Variants in SNTG1 observed in about 807,000 individuals in gnomAD.
SNTG1 encodes the protein gamma-1-syntrophin.
SNTG1 carries 39 observed loss-of-function variants against 74.7 expected under a neutral mutation model. That is an observed-to-expected ratio of 0.52 (90% CI 0.40 to 0.68). The LOEUF (loss-of-function observed/expected upper bound fraction) is 0.68. SNTG1 is among the 30% of genes least tolerant of loss of function. The pLI, the probability that SNTG1 is intolerant of heterozygous loss-of-function variation, is 0.00. For synonymous variants in SNTG1, 254 were observed against 217.1 expected (o/e 1.17, Z -1.49); for missense variants, 685 against 609.5 (o/e 1.12, Z -1.30).
At chr8:50,159,311 C>G (rs1162932691) in intron 1 of SNTG1, among the ~76,000 whole-genome samples, 2 of 152,074 alleles carry the variant, frequency 1.3e-5, no homozygotes, top group Non-Finnish European at 2.9e-5. Context: ...TGAGGCAATA[C>G]TTTCAAACAT....
intron 15 of SNTG1, among the ~76,000 whole-genome samples, chr8:50,676,584 A>G (rs778746951): frequency 6.6e-6 from 1 of 151,790 alleles, no homozygotes; most frequent in African/African-American, 2.4e-5. Context: ...ATGCTCCTTT[A>G]GCTCAACATA....
At position 50,485,489 on chromosome 8, in the gene SNTG1, T is replaced by G. The variant is rs145045026; in HGVS notation, c.364-17289T>G. Among the ~76,000 whole-genome samples, 881 of 152,292 alleles carry G rather than the reference T, an allele frequency of 5.8e-3. 11 individuals carry two copies. The highest frequency in any genetic ancestry group is 0.02 in the African/African-American group (830 of 41,544). On this transcript the variant is annotated intron_variant, in intron 8 of 18. Transcript: ENST00000642720. ...ACTTCTTTTGAGAAGTGTCTGTTCA[T>G]GTCCTTCACCCACTTTTTGATGGGG...
intron 13 of SNTG1, among the ~76,000 whole-genome samples, chr8:50,616,693 T>C (rs2094887596): frequency 6.6e-6 from 1 of 152,164 alleles, no homozygotes; most frequent in Admixed American, 6.5e-5. Context: ...GTCACCAGTG[T>C]AGTGGACCTG....
chr8:49,920,549 AAAC>A (rs1226763661), intron 1 of SNTG1, among the ~76,000 whole-genome samples: 1 of 151,988 alleles, frequency 6.6e-6, no homozygotes, highest in Non-Finnish European at 1.5e-5. Flanking sequence ...ATAAATAAAA[AAAC>A]AAATAAACAA....
chr8:50,401,906 A>T (rs751554846), intron 3 of SNTG1, among the ~76,000 whole-genome samples: 1 of 152,224 alleles, frequency 6.6e-6, no homozygotes, highest in Non-Finnish European at 1.5e-5. Flanking sequence ...TTTTTAGATT[A>T]TAAGTATTAC....
At chr8:50,677,254 G>A (rs2095312870) in intron 15 of SNTG1, among the ~76,000 whole-genome samples, 1 of 151,940 alleles carries the variant, frequency 6.6e-6, no homozygotes, top group Non-Finnish European at 1.5e-5. Flanking sequence ...AAATGTGAGA[G>A]TACATCTATA....
chr8:50,188,939 T>G (rs1480627612), intron 2 of SNTG1, among the ~76,000 whole-genome samples: 1 of 152,104 alleles, frequency 6.6e-6, no homozygotes, highest in Non-Finnish European at 1.5e-5. Flanking sequence ...GCAGAGCAGA[T>G]TGCATAGCAG....
intron 11 of SNTG1, among the ~76,000 whole-genome samples, chr8:50,543,663 G>C (rs1050287331): frequency 6.6e-6 from 1 of 152,074 alleles, no homozygotes; most frequent in African/African-American, 2.4e-5. Context: ...TTTGTATATA[G>C]ATTTTTTGGA....
chr8:50,523,840 T>TA, intron 9 of SNTG1, among the ~76,000 whole-genome samples: 1 of 152,270 alleles, frequency 6.6e-6, no homozygotes, highest in South Asian at 2.1e-4. Context: ...CTTCAATTTG[T>TA]AAAAAATCTG....
intron 1 of SNTG1, among the ~76,000 whole-genome samples, chr8:49,959,526 A>G (rs928190115): frequency 6.6e-6 from 1 of 152,240 alleles, no homozygotes; most frequent in African/African-American, 2.4e-5. Context: ...GACATTTCAT[A>G]TAAATGGAAT....
chr8:50,753,092 A>G (rs2095571714), intron 18 of SNTG1, among the ~76,000 whole-genome samples: 1 of 151,870 alleles, frequency 6.6e-6, no homozygotes. Flanking sequence ...ATCAGTTTAG[A>G]CAAATGCCTT....
Position 50,795,191 on chromosome 8 carries a change from C to T in SNTG1, c.*2362C>T, listed in dbSNP as rs1010413778. On this transcript the variant is annotated 3_prime_UTR_variant, in exon 19 of 19. Coordinates refer to ENST00000642720, the MANE Select transcript of SNTG1 (RefSeq NM_018967.5). ...GCTTGATTAAAAACTTATGACAATACCATTATGAATATTTTTGATACTATT... is the reference window on the plus strand; with the variant it reads ...GCTTGATTAAAAACTTATGACAATATCATTATGAATATTTTTGATACTATT... The T allele has an allele frequency of 2.0e-5, 3 of 151,802 alleles. No homozygotes were observed. The highest frequency in any genetic ancestry group is 4.8e-5 in the African/African-American group (2 of 41,366). The allele number at this position is 151,802 out of a possible 1,614,324, so 9.4% of individuals were successfully genotyped here.
At chr8:50,109,668 G>T (rs1033227372) in intron 1 of SNTG1, among the ~76,000 whole-genome samples, 11 of 152,162 alleles carry the variant, frequency 7.2e-5, no homozygotes, top group Non-Finnish European at 1.0e-4. Flanking sequence ...ATCAGGAAGG[G>T]GGAGATCCTC....
chr8:50,184,729 G>A (rs11987563), intron 2 of SNTG1, among the ~76,000 whole-genome samples: 10,191 of 152,054 alleles, frequency 0.067, 1,100 homozygotes, highest in African/African-American at 0.23. Context: ...AAATATCTCC[G>A]TCATTCAGAT....
chr8:50,210,314 A>T (rs2084456629), intron 2 of SNTG1, among the ~76,000 whole-genome samples: 1 of 152,232 alleles, frequency 6.6e-6, no homozygotes, highest in South Asian at 2.1e-4. Flanking sequence ...TCAGGATATT[A>T]TCCAGGAGAA....
At chr8:50,204,750 T>C (rs113910028) in intron 2 of SNTG1, among the ~76,000 whole-genome samples, 13,738 of 152,020 alleles carry the variant, frequency 0.09, 1,645 homozygotes, top group African/African-American at 0.28. Flanking sequence ...CCCCGGTGTG[T>C]GATGTTCCCC....
chr8:49,955,357 G>A (rs1810059312), intron 1 of SNTG1, among the ~76,000 whole-genome samples: 1 of 152,158 alleles, frequency 6.6e-6, no homozygotes, highest in Non-Finnish European at 1.5e-5. Flanking sequence ...CTGCTGGCTC[G>A]ATGGCAGGCT....
At position 50,697,402 on chromosome 8, in the gene SNTG1, T is replaced by C. The variant is rs79311954; in HGVS notation, c.1039-7198T>C. ...GGACAATTGACTTTCTGTTTTCCAA[T>C]GTGGATGACTTTGGTTTATTTCTCT... On this transcript the variant is annotated intron_variant, in intron 15 of 18. Transcript: ENST00000642720. 1.5e-4 allele frequency among the ~76,000 whole-genome samples: 23 copies of C among 152,306 alleles called. No individual in the cohort carries two copies. In the East Asian group the frequency reaches 4.2e-3, roughly 28 times the overall value.
At chr8:50,782,095 C>T (rs77244658) in intron 18 of SNTG1, among the ~76,000 whole-genome samples, 1 of 152,202 alleles carries the variant, frequency 6.6e-6, no homozygotes, top group African/African-American at 2.4e-5. Flanking sequence ...GATGGGCTTC[C>T]CTTTGTGGCT....
Sources: allele counts gnomAD v4.1 joint callset (sites outside exome capture counted in the v4.1 genomes callset), GRCh38; gene constraint gnomAD v4.1.1; transcripts MANE v1.5; gene names NCBI Gene and HGNC (gene_info 2026-07-23, HGNC 2026-07-21).